The following CTNND2 variants were observed in gnomAD, a reference collection of about 807,000 sequenced individuals.
CTNND2 encodes the protein catenin delta 2, also known as catenin delta-2.
A neutral mutation model predicts 144.4 loss-of-function variants in CTNND2; 22 were observed. The observed-to-expected ratio is 0.15, with a 90% CI of 0.11 to 0.22. The LOEUF (loss-of-function observed/expected upper bound fraction) is 0.22. CTNND2 is among the 10% of genes least tolerant of loss of function. CTNND2 has a pLI of 1.00. For synonymous variants in CTNND2, 751 were observed against 695.6 expected (o/e 1.08, Z -1.25); for missense variants, 1,353 against 1,618.8 (o/e 0.84, Z 2.82).
chr5:11,448,440 CATG>C (rs1327497600), intron 3 of CTNND2, among the ~76,000 whole-genome samples: 1 of 152,094 alleles, frequency 6.6e-6, no homozygotes, highest in Non-Finnish European at 1.5e-5. Flanking sequence ...AGAGTATTAT[CATG>C]ATATTTCAAG....
intron 2 of CTNND2, among the ~76,000 whole-genome samples, chr5:11,620,425 A>C (rs1223216643): frequency 3.3e-5 from 5 of 152,190 alleles, no homozygotes; most frequent in African/African-American, 1.2e-4. Flanking sequence ...CCTACAGCCC[A>C]CAGCCTGCTG....
chr5:11,487,788 C>T (rs1178392246), intron 3 of CTNND2, among the ~76,000 whole-genome samples: 1 of 152,200 alleles, frequency 6.6e-6, no homozygotes, highest in East Asian at 1.9e-4. Context: ...CTCTTTCCAA[C>T]TCCATGCGAC....
intron 3 of CTNND2, among the ~76,000 whole-genome samples, chr5:11,510,153 G>T (rs1371759402): frequency 6.6e-6 from 1 of 151,976 alleles, no homozygotes; most frequent in Non-Finnish European, 1.5e-5. Flanking sequence ...TGCCCAGGGT[G>T]GTCTTGAACT....
chr5:11,113,178 G>A (rs1233056508), intron 13 of CTNND2, among the ~76,000 whole-genome samples: 2 of 152,050 alleles, frequency 1.3e-5, no homozygotes, highest in Middle Eastern at 3.2e-3. Flanking sequence ...AAAAACACCA[G>A]TATCATGTAC....
At chr5:11,171,276 A>G (rs1759876269) in intron 11 of CTNND2, among the ~76,000 whole-genome samples, 1 of 152,174 alleles carries the variant, frequency 6.6e-6, no homozygotes, top group Non-Finnish European at 1.5e-5. Context: ...GAAATCTCCC[A>G]TGGACAGGTA....
chr5:11,436,555 A>T (rs1191372808), intron 3 of CTNND2, among the ~76,000 whole-genome samples: 3 of 152,198 alleles, frequency 2.0e-5, no homozygotes, highest in African/African-American at 7.2e-5. Context: ...AGAATTCCGC[A>T]AACTGCCATG....
intron 2 of CTNND2, among the ~76,000 whole-genome samples, chr5:11,730,951 G>T (rs747950178): frequency 2.6e-5 from 4 of 152,166 alleles, no homozygotes; most frequent in Non-Finnish European, 4.4e-5. Flanking sequence ...TTGAGGATGG[G>T]GAGTGGTATT....
intron 7 of CTNND2, among the ~76,000 whole-genome samples, chr5:11,365,895 T>G (rs1049889514): frequency 6.6e-6 from 1 of 152,200 alleles, no homozygotes; most frequent in Non-Finnish European, 1.5e-5. Flanking sequence ...ATCTTCCATG[T>G]TGAATACAGA....
chr5:11,689,513 T>C (rs1342283076), intron 2 of CTNND2, among the ~76,000 whole-genome samples: 2 of 152,236 alleles, frequency 1.3e-5, no homozygotes, highest in East Asian at 3.8e-4. Flanking sequence ...TCATACTGCA[T>C]ACCCATTTCT....
intron 1 of CTNND2, among the ~76,000 whole-genome samples, chr5:11,763,266 G>C (rs1374551605): frequency 6.6e-6 from 1 of 152,108 alleles, no homozygotes; most frequent in African/African-American, 2.4e-5. Flanking sequence ...CCCAGTCTCA[G>C]GTAGTTCTTT....
intron 5 of CTNND2, among the ~76,000 whole-genome samples, chr5:11,404,684 C>T (rs1337682145): frequency 8.1e-6 from 1 of 123,352 alleles, no homozygotes; most frequent in Non-Finnish European, 1.6e-5. Context: ...GTGAGGCAAT[C>T]TTGGCTCACT....
At chr5:11,820,178 T>C (rs1793235826) in intron 1 of CTNND2, among the ~76,000 whole-genome samples, 1 of 152,204 alleles carries the variant, frequency 6.6e-6, no homozygotes, top group South Asian at 2.1e-4. Context: ...ATCATGGTTA[T>C]TGACACAGTC....
At chr5:11,828,128 T>A (rs975280384) in intron 1 of CTNND2, among the ~76,000 whole-genome samples, 7 of 152,172 alleles carry the variant, frequency 4.6e-5, no homozygotes, top group Admixed American at 2.6e-4. Context: ...AATTCCCATA[T>A]GTTGTGGGAG....
chr5:11,382,522 C>A (rs894751870), intron 7 of CTNND2, among the ~76,000 whole-genome samples: 3 of 151,684 alleles, frequency 2.0e-5, no homozygotes, highest in Non-Finnish European at 4.4e-5. Flanking sequence ...CACTTGAATC[C>A]AGGAGATGGA....
intron 13 of CTNND2, 89 bp downstream of exon 13, chr5:11,117,361 G>C (rs1580332854): frequency 1.0e-6 from 1 of 957,456 alleles, no homozygotes; most frequent in East Asian, 2.4e-5. Flanking sequence ...CTGAAATACT[G>C]CATTGGCTCT....
At chr5:11,531,041 G>A (rs1473592079) in intron 3 of CTNND2, among the ~76,000 whole-genome samples, 1 of 152,176 alleles carries the variant, frequency 6.6e-6, no homozygotes, top group East Asian at 1.9e-4. Flanking sequence ...AGACATAACT[G>A]TCATTAGAGG....
At chr5:11,700,874 T>C (rs1785402641) in intron 2 of CTNND2, among the ~76,000 whole-genome samples, 1 of 152,154 alleles carries the variant, frequency 6.6e-6, no homozygotes, top group African/African-American at 2.4e-5. Flanking sequence ...ATTTGAGGAT[T>C]TGGGCTATAA....
intron 9 of CTNND2, among the ~76,000 whole-genome samples, chr5:11,329,804 A>G (rs568424047): frequency 1.3e-4 from 20 of 152,306 alleles, no homozygotes; most frequent in African/African-American, 3.1e-4. Flanking sequence ...GCCATCCCCA[A>G]GGCTCCTGCC....
At chr5:11,263,699 T>G (rs1169736109) in intron 9 of CTNND2, among the ~76,000 whole-genome samples, 1 of 152,228 alleles carries the variant, frequency 6.6e-6, no homozygotes, top group Non-Finnish European at 1.5e-5. Context: ...AATTCATGCC[T>G]TTACAGTTAC....
Sources: allele counts gnomAD v4.1 joint callset (sites outside exome capture counted in the v4.1 genomes callset), GRCh38; gene constraint gnomAD v4.1.1; transcripts MANE v1.5; gene names NCBI Gene and HGNC (gene_info 2026-07-23, HGNC 2026-07-21).